Variants in MAP4K5 observed in about 807,000 individuals in gnomAD.
MAP4K5 encodes the protein mitogen-activated protein kinase kinase kinase kinase 5.
Under a neutral mutation model 135.6 loss-of-function variants are expected in MAP4K5, and 82 were observed. That is an observed-to-expected ratio of 0.60 (90% CI 0.51 to 0.73). The LOEUF is 0.73. MAP4K5 is among the 30% of genes least tolerant of loss of function. MAP4K5 has a pLI of 0.00. For missense variants in MAP4K5, 907 were observed against 1,010.9 expected (o/e 0.90, Z 1.39); for synonymous variants, 347 against 335.0 (o/e 1.04, Z -0.39).
At chr14:50,522,201 G>C (rs1240100200) in intron 2 of MAP4K5, among the ~76,000 whole-genome samples, 1 of 151,876 alleles carries the variant, frequency 6.6e-6, no homozygotes, top group African/African-American at 2.4e-5. Context: ...CAAAGAACTA[G>C]AATACTAGAT....
intron 5 of MAP4K5, among the ~76,000 whole-genome samples, chr14:50,484,557 G>A (rs927606061): frequency 1.3e-5 from 2 of 152,084 alleles, no homozygotes; most frequent in Non-Finnish European, 2.9e-5. Context: ...GACCCAGTAT[G>A]TTATACATAT....
At chr14:50,422,556 C>T (rs150443843) in intron 32 of MAP4K5, among the ~76,000 whole-genome samples, 10 of 150,474 alleles carry the variant, frequency 6.6e-5, no homozygotes, top group African/African-American at 9.8e-5. Flanking sequence ...GACAGTTGAG[C>T]GACAGAGTGA....
chr14:50,546,553 GC>G (rs1206793235), intron 1 of MAP4K5, among the ~76,000 whole-genome samples: 2 of 152,198 alleles, frequency 1.3e-5, no homozygotes, highest in African/African-American at 4.8e-5. Flanking sequence ...TAATAAACAA[GC>G]TGGATTTAAA....
chr14:50,475,737 C>T (rs538954575), intron 8 of MAP4K5, among the ~76,000 whole-genome samples: 5 of 152,078 alleles, frequency 3.3e-5, no homozygotes, highest in African/African-American at 4.8e-5. Flanking sequence ...CACAGAAACA[C>T]GTGGTTGTAA....
At chr14:50,531,887 C>T in intron 2 of MAP4K5, 55 bp downstream of exon 2, 2 of 1,230,398 alleles carry the variant, frequency 1.6e-6, no homozygotes, top group Non-Finnish European at 2.3e-6. Context: ...GGAAAGTGGC[C>T]CCATTCCCGG....
At chr14:50,542,397 A>G (rs945930213) in intron 2 of MAP4K5, 1 of 152,186 alleles carries the variant, frequency 6.6e-6, no homozygotes, top group Non-Finnish European at 1.5e-5. Context: ...CTACCATGGC[A>G]TATGTATACC....
intron 25 of MAP4K5, 82 bp from the exon 26 acceptor site, chr14:50,437,616 G>C (rs2036126277): frequency 2.1e-6 from 2 of 969,946 alleles, no homozygotes; most frequent in South Asian, 3.2e-5. Context: ...ATCAGAATCA[G>C]ACAGAAAGGA....
intron 2 of MAP4K5, among the ~76,000 whole-genome samples, chr14:50,539,676 C>T (rs924235289): frequency 6.6e-6 from 1 of 152,130 alleles, no homozygotes; most frequent in Non-Finnish European, 1.5e-5. Context: ...TTCAGTATAG[C>T]CCTAATGGGG....
At chr14:50,479,280 G>T (rs1417444044) in intron 6 of MAP4K5, among the ~76,000 whole-genome samples, 1 of 150,798 alleles carries the variant, frequency 6.6e-6, no homozygotes, top group African/African-American at 2.4e-5. Flanking sequence ...TTGTCCTACA[G>T]CTTAATGATA....
At chr14:50,540,223 A>C (rs892653709) in intron 2 of MAP4K5, among the ~76,000 whole-genome samples, 1 of 152,344 alleles carries the variant, frequency 6.6e-6, no homozygotes, top group East Asian at 1.9e-4. Context: ...GATTGCAAGG[A>C]TAGGTGGTGC....
chr14:50,519,208 AT>A (rs1200324581), intron 2 of MAP4K5, among the ~76,000 whole-genome samples: 15 of 151,998 alleles, frequency 9.9e-5, no homozygotes, highest in African/African-American at 3.4e-4. Context: ...ACGTTATCAA[AT>A]ATACATCTAT....
intron 17 of MAP4K5, among the ~76,000 whole-genome samples, chr14:50,445,720 C>T (rs879933719): frequency 2.0e-5 from 3 of 152,130 alleles, no homozygotes; most frequent in Admixed American, 6.6e-5. Flanking sequence ...CAAGCATACG[C>T]CACCATGCCC....
intron 30 of MAP4K5, among the ~76,000 whole-genome samples, chr14:50,427,227 G>A (rs2035867015): frequency 1.3e-5 from 2 of 152,086 alleles, no homozygotes; most frequent in South Asian, 2.1e-4. Flanking sequence ...AAAAGTTGAG[G>A]TATCAGTGTG....
chr14:50,498,181 T>C (rs542620563), intron 3 of MAP4K5, among the ~76,000 whole-genome samples: 1 of 152,250 alleles, frequency 6.6e-6, no homozygotes, highest in African/African-American at 2.4e-5. Context: ...GCATGAACCA[T>C]CACAGTATCT....
At chr14:50,560,283 G>A (rs2038819928) in intron 1 of MAP4K5, 1 of 1,614,008 alleles carries the variant, frequency 6.2e-7, no homozygotes, top group Non-Finnish European at 8.5e-7. Context: ...AGAACCGCAG[G>A]GACAGAAACA....
chr14:50,443,059 T>C (rs142014916), intron 20 of MAP4K5, among the ~76,000 whole-genome samples: 1 of 152,056 alleles, frequency 6.6e-6, no homozygotes, highest in African/African-American at 2.4e-5. Flanking sequence ...AAGATCTACA[T>C]ACATCAATAA....
intron 1 of MAP4K5, chr14:50,559,978 G>A (rs2038814526): frequency 6.2e-6 from 3 of 487,086 alleles, no homozygotes; most frequent in African/African-American, 3.9e-5. Flanking sequence ...AAAATGTTGC[G>A]GTACGTGGTC....
At chr14:50,519,718 T>C (rs2038108362) in intron 2 of MAP4K5, among the ~76,000 whole-genome samples, 1 of 151,694 alleles carries the variant, frequency 6.6e-6, no homozygotes, top group African/African-American at 2.4e-5. Context: ...AAAATGTATT[T>C]TGAAAATAAA....
intron 3 of MAP4K5, among the ~76,000 whole-genome samples, chr14:50,497,845 G>A (rs935249384): frequency 6.6e-6 from 1 of 151,824 alleles, no homozygotes; most frequent in Non-Finnish European, 1.5e-5. Context: ...ACAAGCAAGG[G>A]AACAAACCAA....
Sources: gnomAD v4.1 joint callset for allele counts (sites outside exome capture counted in the v4.1 genomes callset) on GRCh38, gnomAD v4.1.1 for gene constraint, MANE v1.5 for transcripts, NCBI Gene and HGNC (gene_info 2026-07-23, HGNC 2026-07-21) for gene names.